ENPP6: variants seen among roughly 807,000 people sequenced by gnomAD.
The protein encoded by ENPP6 is ectonucleotide pyrophosphatase/phosphodiesterase 6, also known as glycerophosphocholine cholinephosphodiesterase ENPP6.
In ENPP6, 32 loss-of-function variants were observed where a neutral mutation model predicts 42.0. The observed-to-expected ratio is 0.76, with a 90% confidence interval of 0.58 to 1.02. The LOEUF is 1.02. Ranked by LOEUF, ENPP6 falls within the 50% of genes least tolerant of loss-of-function variation. ENPP6 has a pLI of 0.00. For synonymous variants in ENPP6, 213 were observed against 216.0 expected (o/e 0.99, Z 0.12); for missense variants, 552 against 566.8 (o/e 0.97, Z 0.27).
chr4:184,157,057 G>A (rs1737172139), intron 1 of ENPP6, among the ~76,000 whole-genome samples: 1 of 152,206 alleles, frequency 6.6e-6, no homozygotes. Flanking sequence ...TCCAGGTTGA[G>A]CAAGAATCCT....
intron 2 of ENPP6, among the ~76,000 whole-genome samples, chr4:184,145,507 A>T (rs900229059): frequency 2.6e-5 from 4 of 152,240 alleles, no homozygotes; most frequent in African/African-American, 9.6e-5. Context: ...TGCCCGCTGC[A>T]CGCGTTGTGC....
intron 1 of ENPP6, among the ~76,000 whole-genome samples, chr4:184,213,232 G>A (rs944924033): frequency 6.6e-6 from 1 of 152,040 alleles, no homozygotes; most frequent in Admixed American, 6.6e-5. Flanking sequence ...AGCCAAAATT[G>A]ACAAATGGGA....
chr4:184,193,583 A>G (rs956631073), intron 1 of ENPP6, among the ~76,000 whole-genome samples: 4 of 152,246 alleles, frequency 2.6e-5, no homozygotes, highest in African/African-American at 9.6e-5. Flanking sequence ...TATACTAAAA[A>G]TAACTGGGTT....
chr4:184,112,064 A>T (rs866720390), intron 6 of ENPP6, among the ~76,000 whole-genome samples: 4 of 152,160 alleles, frequency 2.6e-5, no homozygotes. Flanking sequence ...AACTGTAAAC[A>T]TGACACGACT....
At chr4:184,100,564 C>T (rs1735982355) in intron 6 of ENPP6, among the ~76,000 whole-genome samples, 1 of 152,066 alleles carries the variant, frequency 6.6e-6, no homozygotes, top group Non-Finnish European at 1.5e-5. Context: ...TGTGTGTGTG[C>T]GTTCAGGCAG....
intron 6 of ENPP6, among the ~76,000 whole-genome samples, chr4:184,097,989 CG>C (rs1386116214): frequency 6.6e-6 from 1 of 152,250 alleles, no homozygotes; most frequent in Non-Finnish European, 1.5e-5. Flanking sequence ...GTGAAGCCCA[CG>C]GGGCGTGCGG....
Position 184,112,750 on chromosome 4 carries a change from T to C in ENPP6, c.915A>G (p.Pro305=), listed in dbSNP as rs767844061. ...TTCCTTTCTTGTAATAGAACCTGCT[T>C]GGGATGGCTTCTTTCTCGTAGACAG... ...HMTVYEKEAI[P]SRFYYKKGKF... is the part of the protein sequence containing the mutation. The change falls in exon 6 of 8, where the codon CCA becomes CCG. Residue 305 remains proline, a synonymous_variant. Transcript: ENST00000296741. 2.5e-5 allele frequency: 40 copies of C among 1,614,016 alleles called. No homozygotes were observed. Among genetic ancestry groups the C allele is most frequent in the Non-Finnish European group, 3.2e-5 (38 of 1,180,030 alleles).
chr4:184,203,350 A>T (rs1466087477), intron 1 of ENPP6, among the ~76,000 whole-genome samples: 1 of 152,248 alleles, frequency 6.6e-6, no homozygotes, highest in Non-Finnish European at 1.5e-5. Flanking sequence ...TTTGACAGCT[A>T]AATCCGTAAC....
chr4:184,112,925 T>C, intron 5 of ENPP6, 116 bp from the exon 6 acceptor site: 1 of 1,200,006 alleles, frequency 8.3e-7, no homozygotes, highest in East Asian at 2.6e-5. Context: ...AATTGCCAAA[T>C]ACTTGATAGA....
At chr4:184,208,926 C>A (rs984467621) in intron 1 of ENPP6, among the ~76,000 whole-genome samples, 5 of 143,912 alleles carry the variant, frequency 3.5e-5, no homozygotes, top group African/African-American at 1.0e-4. Context: ...GGGTCCCTGA[C>A]CCCTGACCCC....
chr4:184,141,727 T>C (rs4554119), intron 2 of ENPP6, among the ~76,000 whole-genome samples: 99,052 of 151,880 alleles, frequency 0.65, 32,580 homozygotes, highest in South Asian at 0.69. Flanking sequence ...TAAAGGACAA[T>C]CAATGACAGC....
chr4:184,214,683 G>C (rs1733170062), intron 1 of ENPP6, among the ~76,000 whole-genome samples: 1 of 152,212 alleles, frequency 6.6e-6, no homozygotes, highest in Non-Finnish European at 1.5e-5. Context: ...CCTTTGCAGA[G>C]ACATGGATGA....
At chr4:184,150,461 G>A (rs964059314) in intron 2 of ENPP6, among the ~76,000 whole-genome samples, 9 of 152,092 alleles carry the variant, frequency 5.9e-5, no homozygotes, top group Non-Finnish European at 1.3e-4. Flanking sequence ...GATTTAAGAA[G>A]AAAAATACAA....
chr4:184,206,407 G>GA (rs1732999988), intron 1 of ENPP6, among the ~76,000 whole-genome samples: 1 of 106,272 alleles, frequency 9.4e-6, no homozygotes, highest in Non-Finnish European at 1.9e-5. Flanking sequence ...ACAGGCGGGC[G>GA]CCACCAGGCC....
chr4:184,098,855 A>G (rs536222580), intron 6 of ENPP6, among the ~76,000 whole-genome samples: 64 of 152,322 alleles, frequency 4.2e-4, no homozygotes, highest in African/African-American at 1.4e-3. Context: ...AGGTTTCAAT[A>G]TTACAAATAT....
At chr4:184,117,543 A>G (rs1280672931) in intron 4 of ENPP6, among the ~76,000 whole-genome samples, 1 of 152,224 alleles carries the variant, frequency 6.6e-6, no homozygotes, top group Non-Finnish European at 1.5e-5. Context: ...GAGAAAGCAC[A>G]CCTAGGTCAG....
intron 1 of ENPP6, among the ~76,000 whole-genome samples, chr4:184,169,337 AGCTGG>A (rs1189288987): frequency 7.1e-6 from 1 of 140,670 alleles, no homozygotes; most frequent in Admixed American, 7.1e-5. Context: ...TCGGTGGCCG[AGCTGG>A]GAAGAAATGT....
chr4:184,134,985 G>T (rs990754130), intron 2 of ENPP6, among the ~76,000 whole-genome samples: 9 of 150,878 alleles, frequency 6.0e-5, no homozygotes, highest in African/African-American at 1.9e-4. Context: ...TTAGAGGTCT[G>T]GTTATTTTCC....
intron 2 of ENPP6, among the ~76,000 whole-genome samples, chr4:184,141,377 C>T (rs973659362): frequency 6.6e-5 from 10 of 152,202 alleles, no homozygotes; most frequent in African/African-American, 2.4e-4. Flanking sequence ...GCAAGTCCCC[C>T]CAACATGACT....
Sources: allele counts gnomAD v4.1 joint callset (sites outside exome capture counted in the v4.1 genomes callset), GRCh38; gene constraint gnomAD v4.1.1; transcripts MANE v1.5; gene names NCBI Gene and HGNC (gene_info 2026-07-23, HGNC 2026-07-21).